The following FOXD4 variants were observed in gnomAD, a reference collection of about 807,000 sequenced individuals.
FOXD4 encodes forkhead box protein D4.
FOXD4 carries 22 observed loss-of-function variants against 26.5 expected under a neutral mutation model. The ratio of observed to expected loss-of-function variants is 0.83; its 90% CI spans 0.59 to 1.18. FOXD4 has a LOEUF of 1.18. Ranked by LOEUF, FOXD4 falls within the 50% of genes most tolerant of loss-of-function variation. The pLI, the probability that FOXD4 is intolerant of heterozygous loss-of-function variation, is 0.00. For missense variants in FOXD4, 625 were observed against 605.8 expected, an observed-to-expected ratio of 1.03 and a Z score of -0.33; for synonymous variants, 258 against 273.7, an observed-to-expected ratio of 0.94 and a Z score of 0.57.
rs754274326 is a variant in FOXD4 at position 117,525 on chromosome 9, G to A, written c.595C>T (p.Arg199Cys). The change falls in exon 1 of 1, where the codon CGT becomes TGT. Residue 199 changes from arginine (R) to cysteine (C), a missense_variant. Arg to Cys is a radical substitution (Grantham distance 180). Transcript: ENST00000382500. ...GGGGTCGGTTGGTGGCGCTGGAAAC[G>A]CTTCCTACGCCGGAGAAAGCTGCCA... ...DNGSFLRRRK[R>C]FQRHQPTPGA... The A allele has an allele frequency of 8.7e-6, 14 of 1,612,220 alleles. No individual in the cohort carries two copies. Among genetic ancestry groups the A allele is most frequent in the Middle Eastern group, 4.3e-4 (2 of 4,674 alleles).
In FOXD4 at chr9:117,244, G is replaced by C. The variant is rs1819385680; in HGVS notation, c.876C>G (p.Phe292Leu). ...GGACCAAGTGAGGGCTGCAGCACGG[G>C]AAGGGTGCCGGGGTCGCCAGGTCCG... ...EGADLATPAP[F>L]PCCSPHLVLS... is the part of the protein sequence containing the mutation. The change falls in exon 1 of 1, where the codon TTC becomes TTG. Residue 292 changes from phenylalanine to leucine, a missense_variant. By Grantham distance (22) the Phe-to-Leu change is conservative. Transcript: ENST00000382500. The C allele has an allele frequency of 1.9e-6, 3 of 1,609,338 alleles. No individual in the cohort carries two copies. Among genetic ancestry groups the C allele is most frequent in the South Asian group, 1.1e-5 (1 of 90,986 alleles).
In FOXD4 at chr9:118,201, A is replaced by C; in HGVS notation, c.-82T>G. ...CGGGCTGAGCTGGAAGCCCGGGATGAATGTTGCAAGAAGCAGGAACGCTAG... is the reference window on the plus strand; with the variant it reads ...CGGGCTGAGCTGGAAGCCCGGGATGCATGTTGCAAGAAGCAGGAACGCTAG... On this transcript the variant is annotated 5_prime_UTR_variant, in exon 1 of 1. In the 5' UTR this introduces an upstream ATG that the reference lacks. Transcript: ENST00000382500. 2 of 1,610,570 alleles carry C rather than the reference A, an allele frequency of 1.2e-6. No individual in the cohort carries two copies. Among genetic ancestry groups the C allele is most frequent in the Non-Finnish European group, 1.7e-6 (2 of 1,179,382 alleles).
At position 117,392 on chromosome 9, in the gene FOXD4, G is replaced by A. The variant is rs773458417; in HGVS notation, c.728C>T (p.Pro243Leu). 7 of 1,592,258 alleles carry A rather than the reference G, an allele frequency of 4.4e-6. No homozygotes were observed. Among genetic ancestry groups the A allele is most frequent in the East Asian group, 2.2e-5 (1 of 44,778 alleles). Residue 243 changes from proline (P) to leucine (L), a missense_variant, in exon 1 of 1, where the codon CCG becomes CTG. Transcript: ENST00000382500. Reference sequence around the variant, plus strand: ...GGGGCCGGTGTTGGGGTAGGCCCCCGGGACTGGCTGCGGCGGGGCAGGGGC... The same window carrying A: ...GGGGCCGGTGTTGGGGTAGGCCCCCAGGACTGGCTGCGGCGGGGCAGGGGC... ...LGAPAPPQPV[P>L]GAYPNTGPGR...
At position 118,007 on chromosome 9, in the gene FOXD4, T is replaced by A; in HGVS notation, c.113A>T (p.Glu38Val). 6.2e-7 allele frequency: 1 copy of A among 1,611,922 alleles called. No individual in the cohort carries two copies. The highest frequency in any genetic ancestry group is 8.5e-7 in the Non-Finnish European group (1 of 1,179,820). ...GAACTGCTGGCTCGCCGCCTCCTCCTCGTCTTCATCTTCCTCCTCTCCCAG... is the reference window on the plus strand; with the variant it reads ...GAACTGCTGGCTCGCCGCCTCCTCCACGTCTTCATCTTCCTCCTCTCCCAG... ...DVLGEEEDED[E>V]EEAASQQFLE... Residue 38 changes from glutamate (E) to valine (V), a missense_variant, in exon 1 of 1, where the codon GAG becomes GTG. Physicochemically the swap from Glu to Val is moderately radical, Grantham distance 121. Transcript: ENST00000382500.
rs778598459 is a variant in FOXD4, at chr9:117,743, G to C, written c.377C>G (p.Thr126Arg). Residue 126 changes from threonine (T) to arginine (R), a missense_variant, in exon 1 of 1, where the codon ACG becomes AGG. This residue lies in a region of FOXD4 where 399 missense variants were observed against 329.4 expected (regional missense o/e 1.21). Transcript: ENST00000382500. ...AATGAAGGCGCAGATGCCGCTGAGC[G>C]TGAGGCGCTTGTGCGGGCTTTGCAG... ...AILQSPHKRL[T>R]LSGICAFISD... is the part of the protein sequence containing the mutation. 1 of 1,613,134 alleles carries C rather than the reference G, an allele frequency of 6.2e-7. No individual in the cohort carries two copies. Among genetic ancestry groups the C allele is most frequent in the African/African-American group, 1.3e-5 (1 of 74,846 alleles).
chr9:117,930 C>A lies in FOXD4; in HGVS notation c.190G>T (p.Ala64Ser), dbSNP rs748893338. 3 of 1,611,942 alleles carry A rather than the reference C, an allele frequency of 1.9e-6. No individual in the cohort carries two copies. The East Asian group carries it at 6.7e-5, about 36-fold the overall frequency. The part of the protein sequence containing the change: ...GLQVARWGGV[A>S]LPREHIEGGG... ...CCCTCGATGTGCTCTCGGGGAAGCG[C>A]AACCCCGCCCCACCGGGCCACCTGC... Residue 64 changes from alanine to serine, a missense_variant, in exon 1 of 1, where the codon GCG becomes TCG. Coordinates refer to ENST00000382500, the MANE Select transcript of FOXD4 (RefSeq NM_207305.5).
In FOXD4 at chr9:116,887, G is replaced by C. The variant is rs2811155; in HGVS notation, c.1233C>G (p.Ala411=). The change falls in exon 1 of 1, where the codon GCC becomes GCG. Residue 411 remains alanine (A), a synonymous_variant. Transcript: ENST00000382500. ...VAEGSGLTSL[A]APLGGEGTSP... ...AGGTCCCCTCTCCGCCCAAAGGGGCGGCCAGCGATGTCAGCCCAGAGCCCT... is the reference window on the plus strand; with the variant it reads ...AGGTCCCCTCTCCGCCCAAAGGGGCCGCCAGCGATGTCAGCCCAGAGCCCT... The C allele has an allele frequency of 6.2e-7, 1 of 1,610,460 alleles. No homozygotes were observed. The highest frequency in any genetic ancestry group is 1.3e-5 in the African/African-American group (1 of 74,814).
rs756427159 is a variant in FOXD4 at position 117,970 on chromosome 9, C to A, written c.150G>T (p.Ser50=). The change falls in exon 1 of 1, where the codon TCG becomes TCT. Residue 50 remains serine, a synonymous_variant. Coordinates refer to ENST00000382500, the MANE Select transcript of FOXD4 (RefSeq NM_207305.5). ...GGGCCACCTGCAGCCCCGGCTGGAGCGACTGCTCTAGGAACTGCTGGCTCG... is the reference window on the plus strand; with the variant it reads ...GGGCCACCTGCAGCCCCGGCTGGAGAGACTGCTCTAGGAACTGCTGGCTCG... ...EAASQQFLEQ[S]LQPGLQVARW... is the part of the protein sequence containing the mutation. The A allele has an allele frequency of 1.2e-6, 2 of 1,611,846 alleles. No homozygotes were observed. Among genetic ancestry groups the A allele is most frequent in the Non-Finnish European group, 1.7e-6 (2 of 1,179,806 alleles).
chr9:117,620 C>T lies in FOXD4; in HGVS notation c.500G>A (p.Arg167His), dbSNP rs749055537. The change falls in exon 1 of 1, where the codon CGC (arginine) becomes CAC (histidine). Residue 167 changes from arginine to histidine, a missense_variant. Physicochemically the swap from Arg to His is conservative, Grantham distance 29 (BLOSUM62 0). Around this residue, in one of 3 missense-constraint regions of FOXD4, gnomAD observed 399 missense variants for 329.4 expected, o/e 1.21. Coordinates refer to ENST00000382500, the MANE Select transcript of FOXD4 (RefSeq NM_207305.5). Reference sequence around the variant, plus strand: ...GCCCTTGCCTGGGCGGCCCGGCTCGCGGGGGATCTTGACGAAGCAGTCGTT... The same window carrying T: ...GCCCTTGCCTGGGCGGCCCGGCTCGTGGGGGATCTTGACGAAGCAGTCGTT... Reference protein sequence around the residue: ...SLNDCFVKIPREPGRPGKGNY... With the variant: ...SLNDCFVKIPHEPGRPGKGNY... The T allele has an allele frequency of 1.2e-5, 20 of 1,613,758 alleles. No homozygotes were observed. In the South Asian group the frequency reaches 1.5e-4, roughly 12 times the overall value.
rs747810366 is a variant in FOXD4 at position 116,752 on chromosome 9, G to A, written c.*48C>T. 7.1e-6 allele frequency: 11 copies of A among 1,546,370 alleles called. No individual in the cohort carries two copies. Among genetic ancestry groups the A allele is most frequent in the South Asian group, 3.8e-5 (3 of 79,484 alleles). ...GATGCACACGCCCAGTATGGGCCGC[G>A]CAAGGTGGAGTGAGCAGCTGCGGGT... On this transcript the variant is annotated 3_prime_UTR_variant, in exon 1 of 1. Transcript: ENST00000382500.
Position 116,442 on chromosome 9 carries a change from G to C in FOXD4, c.*358C>G. 1 of 400,220 alleles carries C rather than the reference G, an allele frequency of 2.5e-6. No homozygotes were observed. The highest frequency in any genetic ancestry group is 4.0e-5 in the South Asian group (1 of 25,184). 24.8% of individuals were successfully genotyped at this position (400,220 alleles called of 1,614,324 possible). On this transcript the variant is annotated 3_prime_UTR_variant, in exon 1 of 1. Coordinates refer to ENST00000382500, the MANE Select transcript of FOXD4 (RefSeq NM_207305.5). ...TTAGGAATAATACTTCCAGTTCCAA[G>C]GAAGTGAAGAAGGGGGAACATGTTT...
chr9:117,001 G>A lies in FOXD4; in HGVS notation c.1119C>T (p.Cys373=). The change falls in exon 1 of 1, where the codon TGC becomes TGT. Residue 373 remains cysteine, a synonymous_variant. Transcript: ENST00000382500. ...CCTTGGTGGGAGCGCAGCCGTTGGC[G>A]CAGTCCTCCTCCTGATGCCGCTGCT... ...QQQQRHQEED[C]ANGCAPTKGA... 6.2e-7 allele frequency: 1 copy of A among 1,612,026 alleles called. No homozygotes were observed. The highest frequency in any genetic ancestry group is 8.5e-7 in the Non-Finnish European group (1 of 1,179,830).
rs1441416047 is a variant in FOXD4, at chr9:117,309, C to G, written c.811G>C (p.Ala271Pro). ...TTCGGTGCCCCGGCATAGGCGGGGG[C>G]CGAGAGCAGTAGGTAGCGAGGAGGA... The part of the protein sequence containing the change: ...PHPPRYLLLS[A>P]PAYAGAPKKA... The change falls in exon 1 of 1, where the codon GCC becomes CCC. Residue 271 changes from alanine to proline, a missense_variant. Transcript: ENST00000382500. 8.7e-6 allele frequency: 14 copies of G among 1,601,150 alleles called. No individual in the cohort carries two copies. The highest frequency in any genetic ancestry group is 1.3e-5 in the African/African-American group (1 of 74,774).
rs756041805 is a variant in FOXD4, at chr9:117,900, C to T, written c.220G>A (p.Gly74Ser). The T allele has an allele frequency of 1.2e-6, 2 of 1,611,960 alleles. No individual in the cohort carries two copies. Among genetic ancestry groups the T allele is most frequent in the Admixed American group, 3.3e-5 (2 of 60,008 alleles). ...AACTCTGAGGGGTCGCTCGGGCCGC[C>T]GCCGCCCTCGATGTGCTCTCGGGGA... ...ALPREHIEGG[G>S]GPSDPSEFGT... Residue 74 changes from glycine to serine, a missense_variant, in exon 1 of 1, where the codon GGC becomes AGC. Transcript: ENST00000382500.
In FOXD4 at chr9:118,323, A is replaced by C. The variant is rs1456114756; in HGVS notation, c.-204T>G. On this transcript the variant is annotated 5_prime_UTR_variant, in exon 1 of 1. Coordinates refer to ENST00000382500, the MANE Select transcript of FOXD4 (RefSeq NM_207305.5). The stretch of plus-strand genomic sequence containing the variant: ...CGCCTTTTATAAAAGCTTCTTCAAG[A>C]CCATGTGTGGTGGACGCCTCCCTTT... 8.2e-6 allele frequency: 9 copies of C among 1,093,252 alleles called. No homozygotes were observed. The highest frequency in any genetic ancestry group is 1.2e-5 in the Non-Finnish European group (9 of 765,860). 67.7% of individuals were successfully genotyped at this position (1,093,252 alleles called of 1,614,324 possible).
chr9:116,696 G>A lies in FOXD4; in HGVS notation c.*104C>T, dbSNP rs1485992745. The A allele has an allele frequency of 4.3e-5, 64 of 1,499,140 alleles. No individual in the cohort carries two copies. The highest frequency in any genetic ancestry group is 2.5e-4 in the Middle Eastern group (1 of 3,968). The allele number at this position is 1,499,140 out of a possible 1,614,324, so 92.9% of individuals were successfully genotyped here. ...CTTTCTAACCATTTTGCAGGGAACA[G>A]AAGTTCGTGTTTGCTCTCCAGCGGG... is the stretch of plus-strand genomic sequence containing the variant. On this transcript the variant is annotated 3_prime_UTR_variant, in exon 1 of 1. Coordinates refer to ENST00000382500, the MANE Select transcript of FOXD4 (RefSeq NM_207305.5).
chr9:117,685 G>A lies in FOXD4; in HGVS notation c.435C>T (p.Phe145=). The part of the protein sequence containing the change: ...SDRFPYYRRK[F]PAWQNSIRHN... ...GGCGGATGCTGTTCTGCCAGGCGGGGAACTTGCGGCGGTAGTAGGGGAAGC... is the reference window on the plus strand; with the variant it reads ...GGCGGATGCTGTTCTGCCAGGCGGGAAACTTGCGGCGGTAGTAGGGGAAGC... The change falls in exon 1 of 1, where the codon TTC becomes TTT. Residue 145 remains phenylalanine (F), a synonymous_variant. Transcript: ENST00000382500. 6.2e-7 allele frequency: 1 copy of A among 1,613,092 alleles called. No homozygotes were observed.
Position 116,834 on chromosome 9 carries a change from G to A in FOXD4, c.1286C>T (p.Pro429Leu). ...TSPVFLVSPT[P>L]SSLAESAGPS ...CCCTGCGGACTCGGCCAGGGAACTGGGCGTGGGCGATACTAAAAAAACTGG... is the reference window on the plus strand; with the variant it reads ...CCCTGCGGACTCGGCCAGGGAACTGAGCGTGGGCGATACTAAAAAAACTGG... The change falls in exon 1 of 1, where the codon CCC becomes CTC. Residue 429 changes from proline to leucine, a missense_variant. Physicochemically the swap from Pro to Leu is moderately conservative, Grantham distance 98. This residue lies in a region of FOXD4 where 134 missense variants were observed against 132.2 expected (regional missense o/e 1.01). Transcript: ENST00000382500. 3.1e-6 allele frequency: 5 copies of A among 1,606,818 alleles called. No individual in the cohort carries two copies. The highest frequency in any genetic ancestry group is 3.4e-6 in the Non-Finnish European group (4 of 1,177,138).
chr9:116,965 C>T lies in FOXD4; in HGVS notation c.1155G>A (p.Leu385=). 8.1e-6 allele frequency: 13 copies of T among 1,611,898 alleles called. No individual in the cohort carries two copies. The highest frequency in any genetic ancestry group is 1.1e-5 in the Non-Finnish European group (13 of 1,179,780). Residue 385 remains leucine, a synonymous_variant, in exon 1 of 1, where the codon CTG becomes CTA. Transcript: ENST00000382500. ...CCGACGCGGCCGACAGGTGCCCGCCCAGCACCGCGCCCTTGGTGGGAGCGC... is the reference window on the plus strand; with the variant it reads ...CCGACGCGGCCGACAGGTGCCCGCCTAGCACCGCGCCCTTGGTGGGAGCGC... The part of the protein sequence containing the change: ...NGCAPTKGAV[L]GGHLSAASAL...
Sources: gnomAD v4.1 joint callset for allele counts on GRCh38, gnomAD v4.1.1 for gene constraint, gnomAD v4.1.1 regional missense constraint, MANE v1.5 for transcripts, NCBI Gene and HGNC (gene_info 2026-07-23, HGNC 2026-07-21) for gene names.